FSHR: variants seen among roughly 807,000 people sequenced by gnomAD.
FSHR encodes follicle-stimulating hormone receptor.
In FSHR, 46 loss-of-function variants were observed where a neutral mutation model predicts 52.1. The ratio of observed to expected loss-of-function variants is 0.88; its 90% confidence interval spans 0.70 to 1.13. The LOEUF is 1.13. Among genes scored for constraint, FSHR ranks in the 50% most tolerant of loss-of-function variants. The pLI, the probability that FSHR is intolerant of heterozygous loss-of-function variation, is 0.00. For missense variants in FSHR, 964 were observed against 834.6 expected, an observed-to-expected ratio of 1.16 and a Z score of -1.91; for synonymous variants, 399 against 309.6, an observed-to-expected ratio of 1.29 and a Z score of -3.03.
rs1329149302 is a variant in FSHR, at chr2:48,963,428, A to C, written c.1393T>G (p.Leu465Val). Reference sequence around the variant, plus strand: ...TGCGTGATGGTATGCCATCTTTCCAAGGTGATAGCTGTCAGAGTGTAGACT... The same window carrying C: ...TGCGTGATGGTATGCCATCTTTCCACGGTGATAGCTGTCAGAGTGTAGACT... The part of the protein sequence containing the change: ...LSVYTLTAIT[L>V]ERWHTITHAM... Residue 465 changes from leucine (L) to valine (V), a missense_variant, in exon 10 of 10, where the codon TTG (leucine) becomes GTG (valine). By Grantham distance (32) the Leu-to-Val change is conservative. Coordinates refer to ENST00000406846, the MANE Select transcript of FSHR (RefSeq NM_000145.4). 3 of 1,614,140 alleles carry C rather than the reference A, an allele frequency of 1.9e-6. No homozygotes were observed. In the South Asian group the frequency reaches 3.3e-5, roughly 18 times the overall value.
chr2:49,060,630 A>G (rs563718057), intron 2 of FSHR, among the ~76,000 whole-genome samples: 1 of 152,262 alleles, frequency 6.6e-6, no homozygotes, highest in East Asian at 1.9e-4. Flanking sequence ...ACAGCTGCAT[A>G]TTCCAAGGCT....
intron 1 of FSHR, among the ~76,000 whole-genome samples, chr2:49,107,506 C>T (rs1466751538): frequency 6.6e-6 from 1 of 152,028 alleles, no homozygotes; most frequent in Non-Finnish European, 1.5e-5. Context: ...TTAAAAATTA[C>T]AGGTGTTTAA....
rs137961362 is a variant in FSHR, at chr2:49,142,388, G to C, written c.152+11878C>G. On this transcript the variant is annotated intron_variant, in intron 1 of 9. Transcript: ENST00000406846. ...GATGTGAAGAGGAAAGAGAAAAATA[G>C]ATCTAAGGTAGGAAAGAGCCTAGTG... Among the ~76,000 whole-genome samples the C allele has an allele frequency of 2.6e-5, 4 of 152,150 alleles. No individual in the cohort carries two copies. In the South Asian group the frequency reaches 8.3e-4, roughly 32 times the overall value.
intron 4 of FSHR, among the ~76,000 whole-genome samples, chr2:49,010,906 G>T (rs911070057): frequency 6.6e-6 from 1 of 151,974 alleles, no homozygotes; most frequent in Non-Finnish European, 1.5e-5. Context: ...GCATCTATTG[G>T]ATTCTTCTCT....
At chr2:49,150,560 A>G (rs1032040710) in intron 1 of FSHR, among the ~76,000 whole-genome samples, 1 of 152,074 alleles carries the variant, frequency 6.6e-6, no homozygotes, top group Non-Finnish European at 1.5e-5. Flanking sequence ...TCAGTTAGGC[A>G]CACATGGTGA....
At chr2:49,014,971 G>C (rs545043395) in intron 4 of FSHR, 1 of 456,046 alleles carries the variant, frequency 2.2e-6, no homozygotes, top group South Asian at 1.6e-5. Flanking sequence ...ATAGAGTTGG[G>C]AGAAAGGAAG....
At chr2:49,064,605 G>A (rs1669435604) in intron 2 of FSHR, among the ~76,000 whole-genome samples, 1 of 152,020 alleles carries the variant, frequency 6.6e-6, no homozygotes, top group Non-Finnish European at 1.5e-5. Context: ...TTTTGTTATA[G>A]CAGCACAAAC....
chr2:48,974,320 A>G (rs1240258327), intron 8 of FSHR, among the ~76,000 whole-genome samples: 1 of 152,180 alleles, frequency 6.6e-6, no homozygotes, highest in African/African-American at 2.4e-5. Context: ...TTAGATTGGG[A>G]AGCCTCCTTG....
At chr2:49,043,950 A>G (rs1452102917) in intron 2 of FSHR, among the ~76,000 whole-genome samples, 1 of 152,194 alleles carries the variant, frequency 6.6e-6, no homozygotes, top group African/African-American at 2.4e-5. Context: ...TCTCTGCCTG[A>G]CATAGATCTA....
At position 49,103,724 on chromosome 2, in the gene FSHR, C is replaced by G. The variant is rs530491584; in HGVS notation, c.153-35434G>C. Among the ~76,000 whole-genome samples, 6 of 152,246 alleles carry G rather than the reference C, an allele frequency of 3.9e-5. No individual in the cohort carries two copies. In the East Asian group the frequency reaches 1.2e-3, roughly 29 times the overall value. ...GTCTCTAAAGAGTGTATCTGATTCTCTTGGCCTTACTGGAATAACCTACAT... is the reference window on the plus strand; with the variant it reads ...GTCTCTAAAGAGTGTATCTGATTCTGTTGGCCTTACTGGAATAACCTACAT... On this transcript the variant is annotated intron_variant, in intron 1 of 9. Coordinates refer to ENST00000406846, the MANE Select transcript of FSHR (RefSeq NM_000145.4).
intron 1 of FSHR, among the ~76,000 whole-genome samples, chr2:49,102,851 T>G (rs1671084755): frequency 7.9e-6 from 1 of 126,672 alleles, no homozygotes; most frequent in South Asian, 2.5e-4. Context: ...TCTGCCACGG[T>G]TTGTTATTCT....
chr2:48,988,086 C>T (rs75721225), intron 6 of FSHR, among the ~76,000 whole-genome samples: 40,682 of 152,122 alleles, frequency 0.27, 6,694 homozygotes, highest in Non-Finnish European at 0.38. Context: ...CTTTACTCAT[C>T]AAAGTGTTAT....
intron 1 of FSHR, among the ~76,000 whole-genome samples, chr2:49,098,479 G>C (rs541791227): frequency 6.6e-6 from 1 of 151,808 alleles, no homozygotes; most frequent in African/African-American, 2.4e-5. Flanking sequence ...CATGTGAAAG[G>C]GAGGAATGAA....
At chr2:48,983,245 C>G (rs113141348) in intron 6 of FSHR, 79 bp from the exon 7 acceptor site, 2 of 1,300,594 alleles carry the variant, frequency 1.5e-6, no homozygotes, top group Admixed American at 3.5e-5. Context: ...AAGCACTGAG[C>G]AAGGGCAGAC....
At chr2:49,045,281 G>T (rs1464299319) in intron 2 of FSHR, among the ~76,000 whole-genome samples, 1 of 152,048 alleles carries the variant, frequency 6.6e-6, no homozygotes, top group African/African-American at 2.4e-5. Flanking sequence ...CAGGAGCATT[G>T]GCTTCACCTG....
chr2:48,998,163 G>C (rs1040206446), intron 4 of FSHR, among the ~76,000 whole-genome samples: 1 of 151,788 alleles, frequency 6.6e-6, no homozygotes, highest in Non-Finnish European at 1.5e-5. Context: ...ATCCAAATTT[G>C]TTGAGTTTTT....
intron 1 of FSHR, among the ~76,000 whole-genome samples, chr2:49,074,954 A>T (rs554430595): frequency 1.3e-4 from 20 of 152,272 alleles, no homozygotes; most frequent in African/African-American, 4.6e-4. Context: ...TGAACACTGT[A>T]TATTATCACT....
At chr2:49,045,954 T>C (rs894480160) in intron 2 of FSHR, among the ~76,000 whole-genome samples, 1 of 152,194 alleles carries the variant, frequency 6.6e-6, no homozygotes, top group Non-Finnish European at 1.5e-5. Flanking sequence ...TTTTAATAGA[T>C]GACAGGCAAC....
At chr2:49,128,602 A>C (rs1017793003) in intron 1 of FSHR, among the ~76,000 whole-genome samples, 4 of 152,056 alleles carry the variant, frequency 2.6e-5, no homozygotes, top group African/African-American at 9.7e-5. Flanking sequence ...ACAGATAACA[A>C]CACTAAAGTA....
Sources: gnomAD v4.1 joint callset for allele counts (sites outside exome capture counted in the v4.1 genomes callset) on GRCh38, gnomAD v4.1.1 for gene constraint, MANE v1.5 for transcripts, NCBI Gene and HGNC (gene_info 2026-07-23, HGNC 2026-07-21) for gene names.